Variants in RALGAPB observed in about 807,000 individuals in gnomAD.
RALGAPB encodes Ral GTPase activating protein non-catalytic subunit beta, also known as ral GTPase-activating protein subunit beta.
In RALGAPB, 25 loss-of-function variants were observed where a neutral mutation model predicts 161.1. That is an observed-to-expected ratio of 0.16 (90% CI 0.11 to 0.22). RALGAPB has a LOEUF of 0.22. RALGAPB is among the 10% of genes least tolerant of loss of function. The pLI is 1.00. For missense variants in RALGAPB, 1,391 were observed against 1,815.2 expected, an observed-to-expected ratio of 0.77 and a Z score of 4.25; for synonymous variants, 629 against 626.1, an observed-to-expected ratio of 1.00 and a Z score of -0.07.
intron 6 of RALGAPB, 65 bp downstream of exon 6, chr20:38,509,273 T>C: frequency 6.6e-7 from 1 of 1,519,886 alleles, no homozygotes. Context: ...GGAATCATGC[T>C]GTAAGTCTCT....
rs921838148 is a variant in RALGAPB at position 38,577,323 on chromosome 20, CAT to C, written c.*2359_*2360del. ...TTTGAGTAGAATAGCACTGGAGGAA[CAT>C]ATTTAGCACCTAATATTAATATTTA... On this transcript the variant is annotated 3_prime_UTR_variant, in exon 30 of 30. Transcript: ENST00000262879. The C allele has an allele frequency of 6.6e-6, 1 of 152,190 alleles. No homozygotes were observed. The highest frequency in any genetic ancestry group is 2.4e-5 in the African/African-American group (1 of 41,426). The allele number at this position is 152,190 out of a possible 1,614,324, so 9.4% of individuals were successfully genotyped here.
chr20:38,553,586 A>G (rs912722274), intron 21 of RALGAPB, among the ~76,000 whole-genome samples: 1 of 152,094 alleles, frequency 6.6e-6, no homozygotes, highest in Non-Finnish European at 1.5e-5. Flanking sequence ...CTGAATCACA[A>G]TGTTGATCAC....
At chr20:38,528,135 T>C (rs2086528183) in intron 13 of RALGAPB, among the ~76,000 whole-genome samples, 1 of 152,212 alleles carries the variant, frequency 6.6e-6, no homozygotes, top group African/African-American at 2.4e-5. Flanking sequence ...ATTTATTTGT[T>C]TCTTTTTCCC....
At chr20:38,551,586 T>C (rs2087379220) in intron 21 of RALGAPB, among the ~76,000 whole-genome samples, 1 of 152,186 alleles carries the variant, frequency 6.6e-6, no homozygotes, top group Non-Finnish European at 1.5e-5. Context: ...GGAATTTTAA[T>C]ATATAAAATG....
chr20:38,517,007 GA>G (rs1179389585), intron 7 of RALGAPB, among the ~76,000 whole-genome samples: 4 of 152,204 alleles, frequency 2.6e-5, no homozygotes, highest in Non-Finnish European at 2.9e-5. Context: ...TTGTAAACAA[GA>G]TAGCTTATTT....
rs1402227251 is a variant in RALGAPB, at chr20:38,576,652, TG to T, written c.*1688del. 1 of 152,414 alleles carries T rather than the reference TG, an allele frequency of 6.6e-6. No homozygotes were observed. The highest frequency in any genetic ancestry group is 1.5e-5 in the Non-Finnish European group (1 of 68,026). 9.4% of individuals were successfully genotyped at this position (152,414 alleles called of 1,614,324 possible). On this transcript the variant is annotated 3_prime_UTR_variant, in exon 30 of 30. Transcript: ENST00000262879. ...AAATTGATGTTTCCAGATGGTAACA[TG>T]GGAGAGGGCATATAGGATAAAGATG... is the stretch of plus-strand genomic sequence containing the variant.
intron 14 of RALGAPB, among the ~76,000 whole-genome samples, chr20:38,532,332 C>T (rs2086680353): frequency 6.6e-6 from 1 of 152,214 alleles, no homozygotes; most frequent in Non-Finnish European, 1.5e-5. Context: ...GCCGGGATTA[C>T]AGGTGTGAGC....
intron 5 of RALGAPB, among the ~76,000 whole-genome samples, chr20:38,506,128 T>G (rs2085756552): frequency 6.6e-6 from 1 of 152,176 alleles, no homozygotes; most frequent in Non-Finnish European, 1.5e-5. Context: ...TTATAAGTAA[T>G]CTTGAGACGA....
chr20:38,476,828 GTAAT>G (rs1397275047), intron 1 of RALGAPB, among the ~76,000 whole-genome samples: 2 of 152,184 alleles, frequency 1.3e-5, no homozygotes, highest in African/African-American at 4.8e-5. Context: ...AATATTTCAT[GTAAT>G]TGATTGAATA....
At chr20:38,553,797 A>G (rs1224886759) in intron 21 of RALGAPB, 70 bp from the exon 22 acceptor site, 1 of 905,168 alleles carries the variant, frequency 1.1e-6, no homozygotes, top group African/African-American at 1.7e-5. Flanking sequence ...AAAAAAAAAA[A>G]AAAACACTTA....
chr20:38,497,528 T>C lies in RALGAPB; in HGVS notation c.553+12T>C, dbSNP rs761060848. 41 of 1,592,064 alleles carry C rather than the reference T, an allele frequency of 2.6e-5. 1 individual carries two copies. The South Asian group carries it at 4.6e-4, about 18-fold the overall frequency. On this transcript the variant is annotated intron_variant, in intron 4 of 29. Coordinates refer to ENST00000262879, the MANE Select transcript of RALGAPB (RefSeq NM_020336.4). ...ACCAACTGTTCAAGGTTTGTTTATT[T>C]TTTTTTTTCTAATTTATTTCTGAGC... is the stretch of plus-strand genomic sequence containing the variant.
At chr20:38,556,920 A>G (rs2087605324) in intron 22 of RALGAPB, among the ~76,000 whole-genome samples, 1 of 152,192 alleles carries the variant, frequency 6.6e-6, no homozygotes, top group Non-Finnish European at 1.5e-5. Flanking sequence ...TTGTAGTTTT[A>G]TGTCACTTAG....
At position 38,488,476 on chromosome 20, in the gene RALGAPB, A is replaced by T; in HGVS notation, c.44A>T (p.Asp15Val). The change falls in exon 2 of 30, where the codon GAT becomes GTT. Residue 15 changes from aspartate to valine, a missense_variant. Around this residue, in one of 3 missense-constraint regions of RALGAPB, gnomAD observed 946 missense variants for 1,257.2 expected, o/e 0.75. Coordinates refer to ENST00000262879, the MANE Select transcript of RALGAPB (RefSeq NM_020336.4). ...TCACTGCATTTGGTGATTCAGAATG[A>T]TCAAGGCCATACCAGTGTGCTGCAC... ...WRSLHLVIQN[D>V]QGHTSVLHSY... The T allele has an allele frequency of 6.2e-7, 1 of 1,614,188 alleles. No individual in the cohort carries two copies. The highest frequency in any genetic ancestry group is 8.5e-7 in the Non-Finnish European group (1 of 1,180,028).
chr20:38,564,274 A>G lies in RALGAPB; in HGVS notation c.3698-1085A>G, dbSNP rs542368625. Among the ~76,000 whole-genome samples the G allele has an allele frequency of 7.2e-5, 11 of 152,330 alleles. 1 individual carries two copies. In the South Asian group the frequency reaches 1.9e-3, roughly 26 times the overall value. On this transcript the variant is annotated intron_variant, in intron 24 of 29. Coordinates refer to ENST00000262879, the MANE Select transcript of RALGAPB (RefSeq NM_020336.4). The stretch of plus-strand genomic sequence containing the variant: ...TTGGAACTCGGTCACACTCTAGATT[A>G]TACATTGTCTATGACAGCTTTCATG...
Position 38,531,271 on chromosome 20 carries a change from T to C in RALGAPB, c.2115+40T>C, listed in dbSNP as rs779166013. 1.8e-5 allele frequency: 26 copies of C among 1,471,628 alleles called. No individual in the cohort carries two copies. The East Asian group carries it at 5.9e-4, about 33-fold the overall frequency. 91.2% of individuals were successfully genotyped at this position (1,471,628 alleles called of 1,614,324 possible). ...TGCAATCTGTCAGAGAATATCACTT[T>C]TGAATTTCATGTAAATTATATTCCA... On this transcript the variant is annotated intron_variant, in intron 14 of 29. Transcript: ENST00000262879.
chr20:38,533,969 T>C (rs1234279314), intron 15 of RALGAPB, among the ~76,000 whole-genome samples: 1 of 147,046 alleles, frequency 6.8e-6, no homozygotes, highest in Non-Finnish European at 1.5e-5. Context: ...TGAAACCCCA[T>C]CTCTACTAAA....
At chr20:38,504,779 ACTTAT>A (rs2085705006) in intron 5 of RALGAPB, among the ~76,000 whole-genome samples, 1 of 148,278 alleles carries the variant, frequency 6.7e-6, no homozygotes, top group Admixed American at 6.6e-5. Flanking sequence ...ATGAACAGAC[ACTTAT>A]CAAAAGAAGA....
chr20:38,523,617 A>G (rs1190011050), intron 10 of RALGAPB, among the ~76,000 whole-genome samples: 1 of 152,238 alleles, frequency 6.6e-6, no homozygotes, highest in Non-Finnish European at 1.5e-5. Context: ...CATAATAATC[A>G]CTAGACATCC....
At chr20:38,473,834 C>G (rs868423031) in intron 1 of RALGAPB, among the ~76,000 whole-genome samples, 2 of 152,090 alleles carry the variant, frequency 1.3e-5, no homozygotes, top group African/African-American at 4.8e-5. Flanking sequence ...AGCCAGACTT[C>G]AATATTTTTT....
Sources: gnomAD v4.1 joint callset for allele counts (sites outside exome capture counted in the v4.1 genomes callset) on GRCh38, gnomAD v4.1.1 for gene constraint, gnomAD v4.1.1 regional missense constraint, MANE v1.5 for transcripts, NCBI Gene and HGNC (gene_info 2026-07-23, HGNC 2026-07-21) for gene names.